CACNA1I: variants seen among roughly 807,000 people sequenced by gnomAD.
CACNA1I encodes the protein calcium voltage-gated channel subunit alpha1 I.
In CACNA1I, 74 loss-of-function variants were observed where a neutral mutation model predicts 201.6. That is an observed-to-expected ratio of 0.37 (90% CI 0.30 to 0.45). CACNA1I has a LOEUF of 0.45. Ranked by LOEUF, CACNA1I falls within the 20% of genes least tolerant of loss-of-function variation. The probability of loss-of-function intolerance (pLI) is 1.00; values close to 1 mark genes in which losing one functional copy is unlikely to be tolerated. For synonymous variants in CACNA1I, 1,431 were observed against 1,345.2 expected, an observed-to-expected ratio of 1.06 and a Z score of -1.40; for missense variants, 2,346 against 3,138.1, an observed-to-expected ratio of 0.75 and a Z score of 6.03.
intron 3 of CACNA1I, among the ~76,000 whole-genome samples, chr22:39,614,131 A>AGCCACCATGCTGG (rs1403727520): frequency 6.6e-6 from 1 of 152,134 alleles, no homozygotes; most frequent in East Asian, 1.9e-4. Flanking sequence ...TACAGGCATG[A>AGCCACCATGCTGG]GCCACCATGC....
At chr22:39,678,682 G>A (rs535283912) in intron 31 of CACNA1I, among the ~76,000 whole-genome samples, 2 of 152,348 alleles carry the variant, frequency 1.3e-5, no homozygotes, top group African/African-American at 2.4e-5. Flanking sequence ...CCCAGGGCGG[G>A]AAGGTGATGG....
chr22:39,677,261 C>T lies in CACNA1I; in HGVS notation c.4855-80C>T. On this transcript the variant is annotated intron_variant, in intron 29 of 36. Transcript: ENST00000402142. This position sits in a 1 kb window ranked among gnomAD's most constrained non-coding sequence, Gnocchi z 4.8. ...ACCCACAGGCTGCCCAACCCCACTG[C>T]CCCAGCCTCCACCCTTCCCAGGCCT... 1 of 945,022 alleles carries T rather than the reference C, an allele frequency of 1.1e-6. No homozygotes were observed. The highest frequency in any genetic ancestry group is 1.4e-5 in the South Asian group (1 of 69,566). The allele number at this position is 945,022 out of a possible 1,614,324, so 58.5% of individuals were successfully genotyped here. A position where few individuals can be genotyped will look rare whatever the true frequency, so the allele number is the denominator to read the frequency against.
At chr22:39,675,603 T>C (rs1159993806) in intron 29 of CACNA1I, among the ~76,000 whole-genome samples, 7 of 152,220 alleles carry the variant, frequency 4.6e-5, no homozygotes, top group Non-Finnish European at 8.8e-5. Flanking sequence ...CTGTTGCTCA[T>C]GTTGTTGTAT....
At chr22:39,585,210 C>T (rs780324782) in intron 1 of CACNA1I, among the ~76,000 whole-genome samples, 1 of 151,862 alleles carries the variant, frequency 6.6e-6, no homozygotes, top group East Asian at 1.9e-4. Flanking sequence ...CAGGCATGTG[C>T]CACTGTGCCC....
intron 1 of CACNA1I, among the ~76,000 whole-genome samples, chr22:39,574,670 G>T (rs1601786662): frequency 7.0e-6 from 1 of 143,300 alleles, no homozygotes; most frequent in Non-Finnish European, 1.5e-5. Flanking sequence ...TTCAATAGTA[G>T]TAGTGTCCTT....
intron 1 of CACNA1I, among the ~76,000 whole-genome samples, chr22:39,579,950 C>G (rs1166227104): frequency 1.3e-5 from 2 of 152,194 alleles, no homozygotes; most frequent in Non-Finnish European, 2.9e-5. Context: ...TGCCCAGCCT[C>G]TTTTAAGCTC....
chr22:39,575,167 G>A (rs1159480928), intron 1 of CACNA1I, among the ~76,000 whole-genome samples: 1 of 152,266 alleles, frequency 6.6e-6, no homozygotes, highest in Non-Finnish European at 1.5e-5. Context: ...GGGATACATT[G>A]TGCTACTTGA....
At chr22:39,591,018 A>AAT (rs1233470550) in intron 1 of CACNA1I, among the ~76,000 whole-genome samples, 2 of 147,006 alleles carry the variant, frequency 1.4e-5, no homozygotes, top group African/African-American at 5.0e-5. Flanking sequence ...TAATTAAAAA[A>AAT]TTTTTTTTTT....
Position 39,685,560 on chromosome 22 carries a change from C to T in CACNA1I, c.6028-201C>T, listed in dbSNP as rs971548172. 7.2e-5 allele frequency among the ~76,000 whole-genome samples: 11 copies of T among 152,040 alleles called. No individual in the cohort carries two copies. The highest frequency in any genetic ancestry group is 2.7e-4 in the African/African-American group (11 of 41,390). ...CTGGGTTTGAGGCGGATGCTAGCTC[C>T]TCTCGGGGGACCTCTCGGGGCAGGT... is the stretch of plus-strand genomic sequence containing the variant. On this transcript the variant is annotated intron_variant, in intron 36 of 36. Transcript: ENST00000402142. This position sits in a 1 kb window ranked among gnomAD's most constrained non-coding sequence, Gnocchi z 5.0.
At chr22:39,630,301 C>T (rs1299879616) in intron 4 of CACNA1I, among the ~76,000 whole-genome samples, 2 of 152,250 alleles carry the variant, frequency 1.3e-5, no homozygotes, top group African/African-American at 2.4e-5. Context: ...AGGACGTGAC[C>T]TTGTGTATCA....
At chr22:39,634,253 GAAGATCAC>G (rs578224824) in intron 4 of CACNA1I, among the ~76,000 whole-genome samples, 4 of 152,222 alleles carry the variant, frequency 2.6e-5, no homozygotes, top group Non-Finnish European at 4.4e-5. Context: ...TGTGAAGACT[GAAGATCAC>G]ATTTGTGCAA....
Position 39,636,349 on chromosome 22 carries a change from C to T in CACNA1I, c.740+1625C>T, listed in dbSNP as rs1186740641. ...CTTATCTGGTCCACCCCCATCCCCG[C>T]CCCAGGAAGGGAATAATAAATACAA... On this transcript the variant is annotated intron_variant, in intron 5 of 36. Coordinates refer to ENST00000402142, the MANE Select transcript of CACNA1I (RefSeq NM_021096.4). 2.0e-5 allele frequency among the ~76,000 whole-genome samples: 3 copies of T among 152,182 alleles called. No individual in the cohort carries two copies. In the East Asian group the frequency reaches 5.8e-4, roughly 29 times the overall value.
At chr22:39,671,076 C>T (rs899996685) in intron 26 of CACNA1I, 122 bp downstream of exon 26, 8 of 870,738 alleles carry the variant, frequency 9.2e-6, no homozygotes, top group African/African-American at 1.7e-5. Flanking sequence ...GCAGCCCCTC[C>T]ATGCTGGGCT....
At chr22:39,664,691 G>GC in intron 20 of CACNA1I, 48 bp from the exon 21 acceptor site, 3 of 465,828 alleles carry the variant, frequency 6.4e-6, no homozygotes, top group Admixed American at 4.4e-5. Flanking sequence ...CCGCCCACCT[G>GC]CCCGCCCCTC....
chr22:39,654,058 C>T (rs1934740602), intron 10 of CACNA1I, among the ~76,000 whole-genome samples: 1 of 152,236 alleles, frequency 6.6e-6, no homozygotes, highest in Admixed American at 6.5e-5. Flanking sequence ...CACTGCATCA[C>T]AGCTCTTCCT....
chr22:39,573,439 A>G (rs984010034), intron 1 of CACNA1I, among the ~76,000 whole-genome samples: 1 of 151,904 alleles, frequency 6.6e-6, no homozygotes, highest in African/African-American at 2.4e-5. Flanking sequence ...GGTGCTGCCC[A>G]CGTGTCACGG....
chr22:39,643,075 C>T (rs922242547), intron 7 of CACNA1I, among the ~76,000 whole-genome samples, 186 bp downstream of exon 7: 3 of 152,132 alleles, frequency 2.0e-5, no homozygotes, highest in Admixed American at 6.5e-5. Context: ...TCATCAGGGG[C>T]GGCTGTCGGG....
chr22:39,656,845 T>C, intron 10 of CACNA1I: 1 of 500,440 alleles, frequency 2.0e-6, no homozygotes, highest in Non-Finnish European at 4.0e-6. Context: ...GGCTAACTTG[T>C]GTTGGGCGTC....
chr22:39,628,133 C>G (rs982024001), intron 4 of CACNA1I, among the ~76,000 whole-genome samples: 7 of 151,990 alleles, frequency 4.6e-5, no homozygotes, highest in African/African-American at 1.7e-4. Flanking sequence ...GAGGGAGTGT[C>G]CTGGACAGGC....
Sources: gnomAD v4.1 joint callset for allele counts (sites outside exome capture counted in the v4.1 genomes callset) on GRCh38, gnomAD v4.1.1 for gene constraint, Gnocchi (gnomAD v3.1) non-coding constraint, MANE v1.5 for transcripts, NCBI Gene and HGNC (gene_info 2026-07-23, HGNC 2026-07-21) for gene names.